The following HMGA2 variants were observed in gnomAD, a reference collection of about 807,000 sequenced individuals.
HMGA2 encodes high mobility group protein HMGI-C.
In HMGA2, 8 loss-of-function variants were observed where a neutral mutation model predicts 19.1. The ratio of observed to expected loss-of-function variants is 0.42; its 90% CI spans 0.25 to 0.76. The LOEUF is 0.76. Among genes scored for constraint, HMGA2 ranks in the 30% least tolerant of loss-of-function variants. The pLI is 0.28. For synonymous variants in HMGA2, 60 were observed against 48.8 expected (o/e 1.23, Z -0.96); for missense variants, 109 against 136.3 (o/e 0.80, Z 1.00).
rs551433490 is a variant in HMGA2 at position 65,939,417 on chromosome 12, G to A, written c.250-11966G>A. 2.7e-4 allele frequency among the ~76,000 whole-genome samples: 41 copies of A among 151,882 alleles called. 1 individual carries two copies. Among genetic ancestry groups the A allele is most frequent in the African/African-American group, 8.0e-4 (33 of 41,400 alleles). ...GTCACCCAGGCTAGAGCACAGTGGC[G>A]TGATCTCGGCTCACTGCAACCTCCA... On this transcript the variant is annotated intron_variant, in intron 3 of 4. Transcript: ENST00000403681.
intron 3 of HMGA2, among the ~76,000 whole-genome samples, chr12:65,847,130 G>A (rs956984712): frequency 2.0e-5 from 3 of 152,020 alleles, no homozygotes; most frequent in Admixed American, 2.0e-4. Flanking sequence ...AATTGGTTGT[G>A]CTATGTGCTG....
At chr12:65,895,998 T>A (rs1874113084) in intron 3 of HMGA2, among the ~76,000 whole-genome samples, 1 of 152,212 alleles carries the variant, frequency 6.6e-6, no homozygotes, top group Admixed American at 6.5e-5. Flanking sequence ...TGGCTTACTG[T>A]TTAACCAGGA....
intron 3 of HMGA2, among the ~76,000 whole-genome samples, chr12:65,865,043 A>T (rs1193400919): frequency 6.6e-6 from 1 of 152,138 alleles, no homozygotes; most frequent in African/African-American, 2.4e-5. Context: ...CCTCCTCAAC[A>T]TGAAGACAGT....
At chr12:65,918,309 A>C (rs1875181865) in intron 3 of HMGA2, among the ~76,000 whole-genome samples, 1 of 152,212 alleles carries the variant, frequency 6.6e-6, no homozygotes, top group Non-Finnish European at 1.5e-5. Flanking sequence ...GAGGGAAATC[A>C]CATGTTCCTT....
intron 3 of HMGA2, among the ~76,000 whole-genome samples, chr12:65,845,180 CAAGTA>C: frequency 6.6e-6 from 1 of 152,146 alleles, no homozygotes; most frequent in Non-Finnish European, 1.5e-5. Flanking sequence ...ACTAGGTAAA[CAAGTA>C]AAATGATTAT....
At chr12:65,850,557 A>C (rs1871419424) in intron 3 of HMGA2, among the ~76,000 whole-genome samples, 2 of 150,670 alleles carry the variant, frequency 1.3e-5, no homozygotes, top group African/African-American at 2.4e-5. Flanking sequence ...TTCTGCTGGG[A>C]TTGTAATAAT....
chr12:65,864,313 T>C (rs1872269413), intron 3 of HMGA2, among the ~76,000 whole-genome samples: 1 of 152,240 alleles, frequency 6.6e-6, no homozygotes, highest in South Asian at 2.1e-4. Context: ...CAAGTGATTT[T>C]AAGAGATTTG....
chr12:65,841,846 G>A (rs1871011518), intron 3 of HMGA2, among the ~76,000 whole-genome samples: 2 of 152,186 alleles, frequency 1.3e-5, no homozygotes, highest in African/African-American at 4.8e-5. Flanking sequence ...ATGTAATTGG[G>A]ATCCATATGG....
intron 3 of HMGA2, among the ~76,000 whole-genome samples, chr12:65,927,158 G>GT (rs1179936645): frequency 4.6e-5 from 7 of 152,206 alleles, no homozygotes; most frequent in East Asian, 3.9e-4. Context: ...GCCCTGGATT[G>GT]TTTTTTTACA....
chr12:65,933,704 G>T (rs967462498), intron 3 of HMGA2, among the ~76,000 whole-genome samples: 1 of 152,104 alleles, frequency 6.6e-6, no homozygotes, highest in African/African-American at 2.4e-5. Flanking sequence ...GATAGTGGGA[G>T]GTATCCATCA....
At position 65,875,589 on chromosome 12, in the gene HMGA2, ATTTTTTTTTTTTTTTTTTTTTTT is replaced by A. The variant is rs71096056; in HGVS notation, c.249+37039_249+37061del. Among the ~76,000 whole-genome samples the A allele has an allele frequency of 8.5e-3, 223 of 26,118 alleles. 3 individuals are homozygous for A. Among genetic ancestry groups the A allele is most frequent in the Admixed American group, 0.019 (28 of 1,478 alleles). The allele number at this position is 26,118 out of a possible 152,430, so 17.1% of individuals were successfully genotyped here. ...CGGGCATATGCCACCGTGCCCGGCT[ATTTTTTTTTTTTTTTTTTTTTTT>A]TTTTTTTTTTTTTTTTTTAGTAAAG... is the stretch of plus-strand genomic sequence containing the variant. On this transcript the variant is annotated intron_variant, in intron 3 of 4. Coordinates refer to ENST00000403681, the MANE Select transcript of HMGA2 (RefSeq NM_003483.6).
rs143066709 is a variant in HMGA2 at position 65,917,061 on chromosome 12, A to G, written c.250-34322A>G. On this transcript the variant is annotated intron_variant, in intron 3 of 4. Coordinates refer to ENST00000403681, the MANE Select transcript of HMGA2 (RefSeq NM_003483.6). ...AGAGGTGTCAGGGCTGAAGATGGAA[A>G]TCTGGGGCTCATCTGAGTATAGGTG... 4.7e-3 allele frequency among the ~76,000 whole-genome samples: 714 copies of G among 152,348 alleles called. 3 individuals carry two copies. The highest frequency in any genetic ancestry group is 0.016 in the African/African-American group (678 of 41,592).
intron 3 of HMGA2, among the ~76,000 whole-genome samples, chr12:65,847,540 C>T (rs1392975034): frequency 6.6e-6 from 1 of 152,050 alleles, no homozygotes; most frequent in Non-Finnish European, 1.5e-5. Context: ...TCTTTTTAAC[C>T]TCAGCACCTA....
At chr12:65,837,196 T>C (rs117782175) in intron 2 of HMGA2, among the ~76,000 whole-genome samples, 2,640 of 152,310 alleles carry the variant, frequency 0.017, 47 homozygotes, top group South Asian at 0.04. Flanking sequence ...TGAGTTAACA[T>C]TACAGTCATA....
intron 3 of HMGA2, among the ~76,000 whole-genome samples, chr12:65,918,476 T>C (rs76744290): frequency 6.6e-6 from 1 of 152,154 alleles, no homozygotes; most frequent in Non-Finnish European, 1.5e-5. Context: ...AATCTGTAAG[T>C]TTTTTTATGT....
At chr12:65,895,576 C>T (rs144860616) in intron 3 of HMGA2, among the ~76,000 whole-genome samples, 19 of 152,204 alleles carry the variant, frequency 1.2e-4, no homozygotes, top group African/African-American at 2.4e-4. Flanking sequence ...TGGTAGACCC[C>T]GGCTCTTGTA....
chr12:65,927,514 A>G (rs1246472613), intron 3 of HMGA2, among the ~76,000 whole-genome samples: 1 of 152,218 alleles, frequency 6.6e-6, no homozygotes, highest in Non-Finnish European at 1.5e-5. Context: ...TTCAGTTTTG[A>G]GGAAGACAGG....
At chr12:65,924,797 C>CA (rs375391256) in intron 3 of HMGA2, among the ~76,000 whole-genome samples, 49 of 151,732 alleles carry the variant, frequency 3.2e-4, no homozygotes, top group African/African-American at 1.0e-3. Context: ...ACTCCGTCTC[C>CA]AAAAAAACAA....
chr12:65,831,860 T>C (rs1278311399), intron 2 of HMGA2, among the ~76,000 whole-genome samples: 2 of 151,978 alleles, frequency 1.3e-5, no homozygotes, highest in Non-Finnish European at 2.9e-5. Context: ...CAGAATATAG[T>C]AGGCCTAATT....
Sources: gnomAD v4.1 joint callset for allele counts (sites outside exome capture counted in the v4.1 genomes callset) on GRCh38, gnomAD v4.1.1 for gene constraint, MANE v1.5 for transcripts, NCBI Gene and HGNC (gene_info 2026-07-23, HGNC 2026-07-21) for gene names.